Variants in SUCLG2 observed in about 807,000 individuals in gnomAD.
The protein encoded by SUCLG2 is succinate--CoA ligase [GDP-forming] subunit beta, mitochondrial.
A neutral mutation model predicts 47.9 loss-of-function variants in SUCLG2; 42 were observed. The observed-to-expected ratio is 0.88, with a 90% CI of 0.69 to 1.14. The LOEUF (loss-of-function observed/expected upper bound fraction) is 1.14, where lower values mean the gene tolerates loss of function less well. Among genes scored for constraint, SUCLG2 ranks in the 50% most tolerant of loss-of-function variants. SUCLG2 has a pLI of 0.00. For synonymous variants in SUCLG2, 195 were observed against 197.3 expected (o/e 0.99, Z 0.10); for missense variants, 571 against 525.9 (o/e 1.09, Z -0.84).
At chr3:67,593,086 G>A (rs577843251) in intron 2 of SUCLG2, among the ~76,000 whole-genome samples, 2 of 152,272 alleles carry the variant, frequency 1.3e-5, no homozygotes, top group Admixed American at 6.5e-5. Flanking sequence ...GTGGATATAC[G>A]TCAACCTCCA....
intron 4 of SUCLG2, 94 bp from the exon 5 acceptor site, chr3:67,520,728 C>A: frequency 1.4e-6 from 2 of 1,415,984 alleles, no homozygotes; most frequent in East Asian, 2.3e-5. Context: ...CAAATGGCTT[C>A]ATTTTCAGGC....
At chr3:67,596,489 G>A (rs138743773) in intron 2 of SUCLG2, among the ~76,000 whole-genome samples, 1 of 152,232 alleles carries the variant, frequency 6.6e-6, no homozygotes, top group East Asian at 1.9e-4. Flanking sequence ...CCTCTTCCAA[G>A]AAGGCTTCCC....
In SUCLG2 at chr3:67,579,492, A is replaced by T. The variant is rs191852970; in HGVS notation, c.226+29963T>A. 7.2e-5 allele frequency among the ~76,000 whole-genome samples: 11 copies of T among 152,298 alleles called. No individual in the cohort carries two copies. In the East Asian group the frequency reaches 2.1e-3, roughly 29 times the overall value. On this transcript the variant is annotated intron_variant, in intron 2 of 10. Coordinates refer to ENST00000307227, the MANE Select transcript of SUCLG2 (RefSeq NM_003848.4). ...ATTTTTTAAAAATCTTATTACTCAGACTACGTGCAATATAAAATCAGGGGT... is the reference window on the plus strand; with the variant it reads ...ATTTTTTAAAAATCTTATTACTCAGTCTACGTGCAATATAAAATCAGGGGT...
At chr3:67,534,768 C>CAAAAAAAAAAAAAAAAAA (rs60612549) in intron 2 of SUCLG2, among the ~76,000 whole-genome samples, 9 of 34,932 alleles carry the variant, frequency 2.6e-4, no homozygotes, top group African/African-American at 6.2e-4. Context: ...ACACTGATGG[C>CAAAAAAAAAAAAAAAAAA]AAAAAAAAAA....
At chr3:67,558,416 C>T (rs1020665747) in intron 2 of SUCLG2, among the ~76,000 whole-genome samples, 3 of 151,706 alleles carry the variant, frequency 2.0e-5, no homozygotes, top group African/African-American at 7.3e-5. Context: ...AAAGAAGATG[C>T]CCCACTTTCC....
rs1168278405 is a variant in SUCLG2 at position 67,375,825 on chromosome 3, G to C, written c.1218C>G (p.Asn406Lys). ...TNVQEAQKIL[N>K]NSGLPITSAI... ...CTGAAGTAATGGGGAGTCCGCTGTT[G>C]TTGAGTATCTTCTGGGCCTCTTGGA... Residue 406 changes from asparagine to lysine, a missense_variant, in exon 11 of 11, where the codon AAC becomes AAG. By Grantham distance (94) the Asn-to-Lys change is moderately conservative (BLOSUM62 0). Coordinates refer to ENST00000307227, the MANE Select transcript of SUCLG2 (RefSeq NM_003848.4). The C allele has an allele frequency of 1.2e-6, 2 of 1,613,838 alleles. No homozygotes were observed. Among genetic ancestry groups the C allele is most frequent in the Non-Finnish European group, 8.5e-7 (1 of 1,179,928 alleles).
rs1302673695 is a variant in SUCLG2, at chr3:67,375,253, G to C, written c.*491C>G. The C allele has an allele frequency of 1.0e-6, 1 of 985,818 alleles. No individual in the cohort carries two copies. The highest frequency in any genetic ancestry group is 1.2e-6 in the Non-Finnish European group (1 of 829,916). 61.1% of individuals were successfully genotyped at this position (985,818 alleles called of 1,614,324 possible). A position where few individuals can be genotyped will look rare whatever the true frequency, so the allele number is the denominator to read the frequency against. On this transcript the variant is annotated 3_prime_UTR_variant, in exon 11 of 11. Coordinates refer to ENST00000307227, the MANE Select transcript of SUCLG2 (RefSeq NM_003848.4). ...AGTAGTGTGTAATAGCTATTTGCTT[G>C]AATGTCTTAGCAGTGCCTTTTTAGT... is the stretch of plus-strand genomic sequence containing the variant.
chr3:67,367,866 A>G (rs543616548), intron 10 of SUCLG2, among the ~76,000 whole-genome samples: 7 of 152,352 alleles, frequency 4.6e-5, no homozygotes, highest in Admixed American at 3.3e-4. Flanking sequence ...GTATCCAAGT[A>G]TCTAGCTATA....
intron 2 of SUCLG2, among the ~76,000 whole-genome samples, chr3:67,545,569 G>A (rs1333774489): frequency 1.3e-5 from 2 of 152,158 alleles, no homozygotes; most frequent in Non-Finnish European, 2.9e-5. Flanking sequence ...ATTACATCCT[G>A]GAGGATGAAA....
At chr3:67,444,254 C>A (rs1703864675) in intron 9 of SUCLG2, among the ~76,000 whole-genome samples, 1 of 56,964 alleles carries the variant, frequency 1.8e-5, no homozygotes, top group South Asian at 9.5e-4. Context: ...AGCCCCTCAG[C>A]CCGGCCAGCC....
intron 1 of SUCLG2, among the ~76,000 whole-genome samples, chr3:67,651,241 A>G (rs940660939): frequency 6.6e-6 from 1 of 152,122 alleles, no homozygotes; most frequent in African/African-American, 2.4e-5. Context: ...GTATGGTTTA[A>G]ACCCCTGAAA....
chr3:67,390,739 T>A (rs1457519718), intron 10 of SUCLG2, among the ~76,000 whole-genome samples: 1 of 152,166 alleles, frequency 6.6e-6, no homozygotes, highest in Admixed American at 6.5e-5. Flanking sequence ...ATGAAACTGT[T>A]GAGAAATGTA....
intron 1 of SUCLG2, among the ~76,000 whole-genome samples, chr3:67,644,174 G>A (rs771159046): frequency 5.3e-5 from 8 of 151,900 alleles, no homozygotes; most frequent in Non-Finnish European, 1.2e-4. Flanking sequence ...ATACCTCCAC[G>A]GAACACTCAT....
chr3:67,615,071 C>T (rs950415485), intron 1 of SUCLG2, among the ~76,000 whole-genome samples: 1 of 151,854 alleles, frequency 6.6e-6, no homozygotes, highest in South Asian at 2.1e-4. Context: ...GGGAAAAATA[C>T]AACTTAAAAG....
intron 9 of SUCLG2, among the ~76,000 whole-genome samples, chr3:67,444,281 A>G (rs1703866055): frequency 1.9e-5 from 1 of 52,854 alleles, no homozygotes; most frequent in Admixed American, 2.1e-4. Context: ...TCCAGGAGGG[A>G]GATGGGGGGG....
Position 67,609,498 on chromosome 3 carries a change from T to TAC in SUCLG2, c.181_182dup (p.Ala62Ter), listed in dbSNP as rs774281090. On this transcript the variant is annotated frameshift_variant, in exon 2 of 11. Coordinates refer to ENST00000307227, the MANE Select transcript of SUCLG2 (RefSeq NM_003848.4). LOFTEE classifies it high-confidence loss of function. ...CGAGAGCTTCATTTGCAGTGTCTGC[T>TAC]ACAAAGAATCTTTGAACTCTCACTC... The TAC allele has an allele frequency of 1.9e-6, 3 of 1,613,566 alleles. No individual in the cohort carries two copies. In the South Asian group the frequency reaches 3.3e-5, roughly 18 times the overall value.
chr3:67,508,289 T>G (rs1002340026), intron 7 of SUCLG2, among the ~76,000 whole-genome samples: 1 of 152,206 alleles, frequency 6.6e-6, no homozygotes, highest in Non-Finnish European at 1.5e-5. Context: ...TCCAGTTCCA[T>G]AAAGGCATAT....
chr3:67,395,313 A>C, intron 10 of SUCLG2, among the ~76,000 whole-genome samples: 1 of 152,196 alleles, frequency 6.6e-6, no homozygotes, highest in Non-Finnish European at 1.5e-5. Context: ...GCTCAAAATA[A>C]AAGGATGGAG....
intron 2 of SUCLG2, among the ~76,000 whole-genome samples, chr3:67,606,346 A>T (rs1328855107): frequency 2.6e-5 from 4 of 152,246 alleles, no homozygotes; most frequent in African/African-American, 9.6e-5. Context: ...AATATCTCAA[A>T]GAGATTAGGT....
Sources: gnomAD v4.1 joint callset for allele counts (sites outside exome capture counted in the v4.1 genomes callset) on GRCh38, gnomAD v4.1.1 for gene constraint, MANE v1.5 for transcripts, NCBI Gene and HGNC (gene_info 2026-07-23, HGNC 2026-07-21) for gene names.